The following ZNF491 variants were observed in gnomAD, a reference collection of about 807,000 sequenced individuals.
ZNF491 encodes the protein zinc finger protein 491.
In ZNF491, 22 loss-of-function variants were observed where a neutral mutation model predicts 34.7. The observed-to-expected ratio is 0.63, with a 90% confidence interval of 0.45 to 0.90. ZNF491 has a LOEUF of 0.90. Ranked by LOEUF, ZNF491 falls within the 40% of genes least tolerant of loss-of-function variation. ZNF491 has a pLI of 0.00. For synonymous variants in ZNF491, 148 were observed against 174.3 expected (o/e 0.85, Z 1.19); for missense variants, 559 against 531.7 (o/e 1.05, Z -0.51).
Position 11,807,393 on chromosome 19 carries a change from A to G in ZNF491, c.*126A>G, listed in dbSNP as rs1975631010. 3.0e-6 allele frequency: 2 copies of G among 665,824 alleles called. No homozygotes were observed. The highest frequency in any genetic ancestry group is 4.8e-6 in the Non-Finnish European group (2 of 415,898). 41.2% of individuals were successfully genotyped at this position (665,824 alleles called of 1,614,324 possible). A position where few individuals can be genotyped will look rare whatever the true frequency, so the allele number is the denominator to read the frequency against. ...TGAAGTGTCAATAAAGGAAGGCAAT[A>G]AAATGTAGAGATGGAGTTAGGTGAT... On this transcript the variant is annotated 3_prime_UTR_variant, in exon 3 of 3. Transcript: ENST00000323169.
intron 1 of ZNF491, among the ~76,000 whole-genome samples, chr19:11,804,210 A>G (rs1476717244): frequency 1.1e-4 from 16 of 141,972 alleles, no homozygotes; most frequent in Non-Finnish European, 7.7e-5. Flanking sequence ...CTCAGACAAA[A>G]AAAAAAAAAA....
chr19:11,807,752 A>G lies in ZNF491; in HGVS notation c.*485A>G, dbSNP rs551453097. The G allele has an allele frequency of 1.2e-5, 2 of 167,838 alleles. No individual in the cohort carries two copies. The highest frequency in any genetic ancestry group is 4.1e-4 in the South Asian group (2 of 4,826). 10.4% of individuals were successfully genotyped at this position (167,838 alleles called of 1,614,324 possible). On this transcript the variant is annotated 3_prime_UTR_variant, in exon 3 of 3. Transcript: ENST00000323169. ...GGTGGGGAATGTTCTCTGATGCTCA[A>G]CTCCCCTAGTCTGCAGATTGAGTTG...
Position 11,806,873 on chromosome 19 carries a change from C to A in ZNF491, c.920C>A (p.Ala307Asp). 1.2e-6 allele frequency: 2 copies of A among 1,611,088 alleles called. No individual in the cohort carries two copies. The highest frequency in any genetic ancestry group is 1.7e-6 in the Non-Finnish European group (2 of 1,178,692). Residue 307 changes from alanine (A) to aspartate (D), a missense_variant, in exon 3 of 3, where the codon GCC becomes GAC. Coordinates refer to ENST00000323169, the MANE Select transcript of ZNF491 (RefSeq NM_152356.4). ...TACAAATGCAAGCAATGTGGGAAAG[C>A]CTTCACTTGTTCCACTTCGTTTCAA... ...KPYKCKQCGK[A>D]FTCSTSFQYH...
Position 11,807,362 on chromosome 19 carries a change from C to T in ZNF491, c.*95C>T. The T allele has an allele frequency of 1.1e-6, 1 of 873,532 alleles. No homozygotes were observed. The highest frequency in any genetic ancestry group is 1.7e-6 in the Non-Finnish European group (1 of 598,604). The allele number at this position is 873,532 out of a possible 1,614,324, so 54.1% of individuals were successfully genotyped here. A position where few individuals can be genotyped will look rare whatever the true frequency, so the allele number is the denominator to read the frequency against. On this transcript the variant is annotated 3_prime_UTR_variant, in exon 3 of 3. Transcript: ENST00000323169. ...GAACTCCTGGCCTCAAGCATCCCTCCCAGCTTGAAGTGTCAATAAAGGAAG... is the reference window on the plus strand; with the variant it reads ...GAACTCCTGGCCTCAAGCATCCCTCTCAGCTTGAAGTGTCAATAAAGGAAG...
Position 11,808,041 on chromosome 19 carries a change from A to T in ZNF491, c.*774A>T, listed in dbSNP as rs553847336. On this transcript the variant is annotated 3_prime_UTR_variant, in exon 3 of 3. Coordinates refer to ENST00000323169, the MANE Select transcript of ZNF491 (RefSeq NM_152356.4). Reference sequence around the variant, plus strand: ...AGTTATCTTTGATTATATGTGATTGACAATGTGTATTTTTGAGGGAGCAAA... The same window carrying T: ...AGTTATCTTTGATTATATGTGATTGTCAATGTGTATTTTTGAGGGAGCAAA... 98 of 167,228 alleles carry T rather than the reference A, an allele frequency of 5.9e-4. No individual in the cohort carries two copies. Among genetic ancestry groups the T allele is most frequent in the African/African-American group, 2.3e-3 (95 of 41,582 alleles). The allele number at this position is 167,228 out of a possible 1,614,324, so 10.4% of individuals were successfully genotyped here.
At chr19:11,800,929 C>T (rs1294582794) in intron 1 of ZNF491, among the ~76,000 whole-genome samples, 3 of 151,800 alleles carry the variant, frequency 2.0e-5, no homozygotes, top group East Asian at 1.9e-4. Flanking sequence ...CTACTATACT[C>T]GGGAGACTAA....
In ZNF491 at chr19:11,806,846, C is replaced by T; in HGVS notation, c.893C>T (p.Pro298Leu). 1 of 1,609,044 alleles carries T rather than the reference C, an allele frequency of 6.2e-7. No homozygotes were observed. The highest frequency in any genetic ancestry group is 8.5e-7 in the Non-Finnish European group (1 of 1,177,996). ...GAAAGAAGTCACACTGGAGAGAAAC[C>T]CTACAAATGCAAGCAATGTGGGAAA... ...RHERSHTGEK[P>L]YKCKQCGKAF... The change falls in exon 3 of 3, where the codon CCC (proline) becomes CTC (leucine). Residue 298 changes from proline (P) to leucine (L), a missense_variant. Physicochemically the swap from Pro to Leu is moderately conservative, Grantham distance 98 (BLOSUM62 -3). Transcript: ENST00000323169.
chr19:11,808,288 A>G lies in ZNF491; in HGVS notation c.*1021A>G, dbSNP rs1975640565. Among the ~76,000 whole-genome samples the G allele has an allele frequency of 1.3e-5, 2 of 151,940 alleles. No homozygotes were observed. The highest frequency in any genetic ancestry group is 4.2e-4 in the South Asian group (2 of 4,814). On this transcript the variant is annotated 3_prime_UTR_variant, in exon 3 of 3. Transcript: ENST00000323169. ...TCCCAGCTACTCGGGAGGCTGAGGC[A>G]GGAGAATCTCCTGAACCTGGGAGGT...
intron 1 of ZNF491, among the ~76,000 whole-genome samples, chr19:11,801,748 T>A (rs1364617043): frequency 6.6e-6 from 1 of 152,256 alleles, no homozygotes; most frequent in African/African-American, 2.4e-5. Context: ...TTGACAATTT[T>A]ATATAACTTC....
chr19:11,800,753 T>C (rs986214206), intron 1 of ZNF491, among the ~76,000 whole-genome samples: 1 of 152,116 alleles, frequency 6.6e-6, no homozygotes, highest in African/African-American at 2.4e-5. Flanking sequence ...CCAGGCACAG[T>C]GACTCACTCC....
intron 1 of ZNF491, among the ~76,000 whole-genome samples, chr19:11,800,035 A>G (rs1191568052): frequency 2.0e-5 from 3 of 152,172 alleles, no homozygotes; most frequent in Admixed American, 6.5e-5. Context: ...CATCAACGAC[A>G]GTATTGAATT....
intron 1 of ZNF491, among the ~76,000 whole-genome samples, chr19:11,800,723 C>T (rs1975549680): frequency 6.6e-6 from 1 of 151,938 alleles, no homozygotes. Context: ...GGAAAGAAAA[C>T]ATTTTTTAAA....
rs539430973 is a variant in ZNF491 at position 11,806,888 on chromosome 19, C to T, written c.935C>T (p.Thr312Ile). ...TGTGGGAAAGCCTTCACTTGTTCCA[C>T]TTCGTTTCAATATCATGAAAGGACT... ...KQCGKAFTCS[T>I]SFQYHERTHT... Residue 312 changes from threonine to isoleucine, a missense_variant, in exon 3 of 3, where the codon ACT (threonine) becomes ATT (isoleucine). Thr to Ile is a moderately conservative substitution (Grantham distance 89, BLOSUM62 -1). Coordinates refer to ENST00000323169, the MANE Select transcript of ZNF491 (RefSeq NM_152356.4). 3.0e-5 allele frequency: 49 copies of T among 1,607,252 alleles called. No homozygotes were observed. In the South Asian group the frequency reaches 5.4e-4, roughly 18 times the overall value.
Position 11,804,523 on chromosome 19 carries a change from C to T in ZNF491, c.-133-19C>T. The T allele has an allele frequency of 1.3e-6, 2 of 1,539,330 alleles. No individual in the cohort carries two copies. The highest frequency in any genetic ancestry group is 2.5e-5 in the East Asian group (1 of 40,104). On this transcript the variant is annotated intron_variant, in intron 1 of 2. Coordinates refer to ENST00000323169, the MANE Select transcript of ZNF491 (RefSeq NM_152356.4). ...TGTCACTCTCACCCATCCTCCTCTACACATGTGAGATGTTTCAGGACCCAG... is the reference window on the plus strand; with the variant it reads ...TGTCACTCTCACCCATCCTCCTCTATACATGTGAGATGTTTCAGGACCCAG...
At chr19:11,799,523 A>T (rs1386037989) in intron 1 of ZNF491, among the ~76,000 whole-genome samples, 2 of 107,280 alleles carry the variant, frequency 1.9e-5, no homozygotes, top group African/African-American at 3.7e-5. Context: ...TTTTCTTTAC[A>T]TTTGGGTTTC....
Position 11,806,680 on chromosome 19 carries a change from T to G in ZNF491, c.727T>G (p.Tyr243Asp). 1 of 1,613,344 alleles carries G rather than the reference T, an allele frequency of 6.2e-7. No homozygotes were observed. The highest frequency in any genetic ancestry group is 8.5e-7 in the Non-Finnish European group (1 of 1,179,762). Residue 243 changes from tyrosine (Y) to aspartate (D), a missense_variant, in exon 3 of 3, where the codon TAT becomes GAT. Physicochemically the swap from Tyr to Asp is radical, Grantham distance 160. Transcript: ENST00000323169. ...AAGGACTCACACAGGAGAAAAACCC[T>G]ATGAATGTAAACTATATGGGAAAGC... ...HERTHTGEKP[Y>D]ECKLYGKALS...
intron 1 of ZNF491, among the ~76,000 whole-genome samples, chr19:11,801,619 C>T (rs865947536): frequency 6.6e-6 from 1 of 152,108 alleles, no homozygotes; most frequent in Non-Finnish European, 1.5e-5. Context: ...CGCGCCATTG[C>T]CCATATTTTA....
At chr19:11,799,804 C>T (rs1054221192) in intron 1 of ZNF491, among the ~76,000 whole-genome samples, 6 of 151,952 alleles carry the variant, frequency 3.9e-5, no homozygotes, top group Non-Finnish European at 7.4e-5. Context: ...CGTGGTGGCA[C>T]GTGCCTGTAA....
chr19:11,805,884 T>C (rs181277520), intron 2 of ZNF491, 63 bp from the exon 3 acceptor site: 3 of 1,319,466 alleles, frequency 2.3e-6, no homozygotes, highest in Middle Eastern at 2.0e-4. Context: ...GTGTAATACT[T>C]ATTAACAAAT....
Sources: gnomAD v4.1 joint callset for allele counts (sites outside exome capture counted in the v4.1 genomes callset) on GRCh38, gnomAD v4.1.1 for gene constraint, MANE v1.5 for transcripts, NCBI Gene and HGNC (gene_info 2026-07-23, HGNC 2026-07-21) for gene names.